Variants in GNA14 observed in about 807,000 individuals in gnomAD.
GNA14 encodes the protein guanine nucleotide-binding protein subunit alpha-14.
A neutral mutation model predicts 42.0 loss-of-function variants in GNA14; 50 were observed. The observed-to-expected ratio is 1.19, with a 90% confidence interval of 0.95 to 1.51. The LOEUF (loss-of-function observed/expected upper bound fraction) is 1.51, where lower values mean the gene tolerates loss of function less well. GNA14 is among the 40% of genes most tolerant of loss of function. The probability of loss-of-function intolerance (pLI) is 0.00; values close to 1 mark genes in which losing one functional copy is unlikely to be tolerated. For synonymous variants in GNA14, 173 were observed against 163.1 expected, an observed-to-expected ratio of 1.06 and a Z score of -0.46; for missense variants, 473 against 446.2, an observed-to-expected ratio of 1.06 and a Z score of -0.54.
intron 1 of GNA14, among the ~76,000 whole-genome samples, chr9:77,571,880 A>G (rs77845730): frequency 0.028 from 4,247 of 152,178 alleles, 223 homozygotes; most frequent in African/African-American, 0.096. Context: ...AATTTTTTTG[A>G]TATATTGGGT....
intron 2 of GNA14, among the ~76,000 whole-genome samples, chr9:77,495,902 A>G (rs1177181988): frequency 1.3e-5 from 2 of 152,176 alleles, no homozygotes; most frequent in East Asian, 3.9e-4. Context: ...AAGTAAAATC[A>G]TGTTCCTTAA....
intron 1 of GNA14, among the ~76,000 whole-genome samples, chr9:77,577,661 T>C (rs552776685): frequency 1.8e-4 from 27 of 152,278 alleles, no homozygotes; most frequent in African/African-American, 6.3e-4. Flanking sequence ...ATATTCCCCA[T>C]CTGCAGATTA....
chr9:77,568,074 G>A (rs891343066), intron 1 of GNA14, among the ~76,000 whole-genome samples: 7 of 152,172 alleles, frequency 4.6e-5, no homozygotes, highest in Admixed American at 1.3e-4. Flanking sequence ...CCCTGAGACA[G>A]AGTAGTCTTT....
chr9:77,512,741 G>A (rs751114971), intron 2 of GNA14, among the ~76,000 whole-genome samples: 4 of 151,870 alleles, frequency 2.6e-5, no homozygotes, highest in South Asian at 2.1e-4. Context: ...GCTTTACCTC[G>A]TTCTTTTTAA....
intron 1 of GNA14, among the ~76,000 whole-genome samples, chr9:77,560,094 G>A (rs1206829514): frequency 1.3e-5 from 2 of 152,028 alleles, no homozygotes; most frequent in African/African-American, 4.8e-5. Context: ...AATTATTCAG[G>A]TTTGCGAATT....
At chr9:77,439,761 G>A (rs2131696258) in intron 2 of GNA14, among the ~76,000 whole-genome samples, 1 of 152,310 alleles carries the variant, frequency 6.6e-6, no homozygotes, top group East Asian at 1.9e-4. Flanking sequence ...CAACCTCTAT[G>A]GCACCTGCAC....
At chr9:77,497,619 C>A (rs1242725801) in intron 2 of GNA14, among the ~76,000 whole-genome samples, 1 of 151,342 alleles carries the variant, frequency 6.6e-6, no homozygotes, top group African/African-American at 2.5e-5. Flanking sequence ...ACTTCCTGAG[C>A]GTGGAGACCA....
intron 2 of GNA14, among the ~76,000 whole-genome samples, chr9:77,472,788 A>ATCTCTC (rs34429720): frequency 0.086 from 12,260 of 141,876 alleles, 620 homozygotes; most frequent in Non-Finnish European, 0.12. Context: ...ACATGACATG[A>ATCTCTC]TCTCTCTCTC....
At chr9:77,566,170 T>C (rs1436198399) in intron 1 of GNA14, among the ~76,000 whole-genome samples, 3 of 129,978 alleles carry the variant, frequency 2.3e-5, no homozygotes, top group East Asian at 4.2e-4. Context: ...TTTTTTTTTT[T>C]CTGAGACAGG....
intron 2 of GNA14, among the ~76,000 whole-genome samples, chr9:77,445,555 A>G (rs1162759258): frequency 2.0e-5 from 3 of 147,908 alleles, no homozygotes; most frequent in Non-Finnish European, 3.0e-5. Flanking sequence ...CTAAGAAGAA[A>G]AAAAAAAAAA....
chr9:77,481,318 C>T (rs1371296778), intron 2 of GNA14, among the ~76,000 whole-genome samples: 3 of 152,102 alleles, frequency 2.0e-5, no homozygotes, highest in Admixed American at 1.3e-4. Context: ...CCAGTAGTCA[C>T]TCAGGAGCAG....
intron 1 of GNA14, among the ~76,000 whole-genome samples, chr9:77,594,870 C>A (rs558684572): frequency 6.6e-6 from 1 of 152,326 alleles, no homozygotes; most frequent in South Asian, 2.1e-4. Flanking sequence ...TCACTCTAAA[C>A]ACCTGTTTTT....
intron 1 of GNA14, among the ~76,000 whole-genome samples, chr9:77,643,358 A>G (rs1824299819): frequency 1.3e-5 from 2 of 151,190 alleles, no homozygotes; most frequent in South Asian, 4.2e-4. Context: ...TCTTGCCTCA[A>G]CCTCCTGAGA....
At chr9:77,466,285 C>G (rs1482178780) in intron 2 of GNA14, among the ~76,000 whole-genome samples, 1 of 151,918 alleles carries the variant, frequency 6.6e-6, no homozygotes, top group Non-Finnish European at 1.5e-5. Context: ...GATCTGAGAC[C>G]ATGCTTCCTT....
At chr9:77,445,318 C>G (rs1376588748) in intron 2 of GNA14, among the ~76,000 whole-genome samples, 1 of 152,078 alleles carries the variant, frequency 6.6e-6, no homozygotes, top group Non-Finnish European at 1.5e-5. Flanking sequence ...CAGTAGAACA[C>G]AGTCAAGTGA....
chr9:77,434,236 A>G, intron 3 of GNA14, 132 bp downstream of exon 3: 1 of 776,580 alleles, frequency 1.3e-6, no homozygotes, highest in Non-Finnish European at 2.1e-6. Flanking sequence ...CAGGAGGGAT[A>G]TGGGAAAGCA....
intron 2 of GNA14, among the ~76,000 whole-genome samples, chr9:77,501,315 C>T (rs1384982768): frequency 6.6e-6 from 1 of 152,194 alleles, no homozygotes; most frequent in Non-Finnish European, 1.5e-5. Flanking sequence ...TTTTACATTC[C>T]TGCCAGCAAC....
intron 2 of GNA14, among the ~76,000 whole-genome samples, chr9:77,519,693 T>C (rs913488132): frequency 6.6e-6 from 1 of 152,098 alleles, no homozygotes. Context: ...ATGGGTACAA[T>C]GTACACTACT....
chr9:77,485,340 C>T (rs1167602811), intron 2 of GNA14, among the ~76,000 whole-genome samples: 1 of 152,146 alleles, frequency 6.6e-6, no homozygotes, highest in East Asian at 1.9e-4. Flanking sequence ...TGCAGCAATT[C>T]AGTTACATCT....
Sources: allele counts gnomAD v4.1 joint callset (sites outside exome capture counted in the v4.1 genomes callset), GRCh38; gene constraint gnomAD v4.1.1; transcripts MANE v1.5; gene names NCBI Gene and HGNC (gene_info 2026-07-23, HGNC 2026-07-21).